Variants in FOXP2 observed in about 807,000 individuals in gnomAD.
The protein encoded by FOXP2 is forkhead box protein P2.
In FOXP2, 12 loss-of-function variants were observed where a neutral mutation model predicts 115.8. That is an observed-to-expected ratio of 0.10 (90% CI 0.07 to 0.17). The LOEUF is 0.17. Among genes scored for constraint, FOXP2 ranks in the 10% least tolerant of loss-of-function variants. FOXP2 has a pLI of 1.00. For synonymous variants in FOXP2, 328 were observed against 297.7 expected, an observed-to-expected ratio of 1.10 and a Z score of -1.05; for missense variants, 629 against 843.5, an observed-to-expected ratio of 0.75 and a Z score of 3.15.
chr7:114,209,781 C>T (rs1177922650), intron 1 of FOXP2, among the ~76,000 whole-genome samples: 5 of 152,028 alleles, frequency 3.3e-5, no homozygotes, highest in South Asian at 2.1e-4. Context: ...TTTCAGGTAC[C>T]GCAATCACTC....
At chr7:114,442,378 G>A (rs563827715) in intron 2 of FOXP2, among the ~76,000 whole-genome samples, 2 of 150,840 alleles carry the variant, frequency 1.3e-5, no homozygotes, top group East Asian at 1.9e-4. Context: ...GATGGAAAAT[G>A]TTCTAAAATT....
chr7:114,169,840 A>G (rs1793092128), intron 1 of FOXP2, among the ~76,000 whole-genome samples: 1 of 152,198 alleles, frequency 6.6e-6, no homozygotes. Context: ...TTCTCATGAT[A>G]GTGAATAAGC....
intron 3 of FOXP2, among the ~76,000 whole-genome samples, chr7:114,613,370 T>C (rs997536170): frequency 9.9e-5 from 15 of 152,216 alleles, no homozygotes; most frequent in African/African-American, 3.4e-4. Flanking sequence ...TACTTGCTTT[T>C]TGCATCAAGA....
chr7:114,548,147 C>A (rs1340996355), intron 3 of FOXP2, among the ~76,000 whole-genome samples: 1 of 152,106 alleles, frequency 6.6e-6, no homozygotes, highest in Non-Finnish European at 1.5e-5. Flanking sequence ...AGCATTATGC[C>A]CATGTTTTAG....
chr7:114,109,193 G>A (rs762633669), intron 1 of FOXP2, among the ~76,000 whole-genome samples: 3 of 152,008 alleles, frequency 2.0e-5, no homozygotes, highest in Non-Finnish European at 2.9e-5. Flanking sequence ...TGTATAATAT[G>A]TGTTGAATTT....
rs1310650113 is a variant in FOXP2, at chr7:114,404,012, C to T, written c.-10-22490C>T. The stretch of plus-strand genomic sequence containing the variant: ...CTAAAGAAGGTGGACATTCATTTGC[C>T]TTGGAGGGCAGTGTAAATTCACTAA... On this transcript the variant is annotated intron_variant, in intron 2 of 17. Coordinates refer to the FOXP2 transcript ENST00000634411. Among the ~76,000 whole-genome samples, 8 of 152,194 alleles carry T rather than the reference C, an allele frequency of 5.3e-5. No homozygotes were observed. The East Asian group carries it at 1.5e-3, about 29-fold the overall frequency.
chr7:114,560,601 G>GCAAGA (rs1382792131), intron 3 of FOXP2, among the ~76,000 whole-genome samples: 1 of 152,028 alleles, frequency 6.6e-6, no homozygotes, highest in Non-Finnish European at 1.5e-5. Context: ...GGGTGACAGA[G>GCAAGA]CAAGACCCTG....
intron 1 of FOXP2, among the ~76,000 whole-genome samples, chr7:114,089,779 G>A (rs750125737): frequency 5.3e-5 from 8 of 151,958 alleles, no homozygotes; most frequent in Non-Finnish European, 2.9e-5. Context: ...AATCTGTAAT[G>A]AGAAGTTATA....
intron 1 of FOXP2, among the ~76,000 whole-genome samples, chr7:114,261,034 T>C (rs936484252): frequency 2.0e-5 from 3 of 152,226 alleles, no homozygotes; most frequent in African/African-American, 7.2e-5. Context: ...TAGTAGTAGA[T>C]GGTGGATAAG....
chr7:114,094,889 C>T (rs759591098), intron 1 of FOXP2, among the ~76,000 whole-genome samples: 3 of 152,018 alleles, frequency 2.0e-5, no homozygotes, highest in Non-Finnish European at 4.4e-5. Context: ...AAAAAACCCA[C>T]AAAACTATTA....
At chr7:114,577,652 A>G (rs1227867964) in intron 3 of FOXP2, among the ~76,000 whole-genome samples, 1 of 151,922 alleles carries the variant, frequency 6.6e-6, no homozygotes, top group Non-Finnish European at 1.5e-5. Context: ...ATCTCTCTTA[A>G]GAGAGAGATT....
chr7:114,087,418 G>T (rs1466819787), upstream of FOXP2, among the ~76,000 whole-genome samples: 4 of 151,978 alleles, frequency 2.6e-5, no homozygotes, highest in African/African-American at 7.3e-5. Context: ...TAGAGAGGTC[G>T]CCTGGCTGTT....
intron 1 of FOXP2, among the ~76,000 whole-genome samples, chr7:114,198,872 T>C (rs1793984385): frequency 6.6e-6 from 1 of 152,178 alleles, no homozygotes; most frequent in Non-Finnish European, 1.5e-5. Context: ...CAGCTGGAGA[T>C]ACATGGAAGA....
intron 1 of FOXP2, among the ~76,000 whole-genome samples, chr7:114,139,334 G>T (rs929725870): frequency 6.6e-6 from 1 of 152,144 alleles, no homozygotes; most frequent in Admixed American, 6.5e-5. Flanking sequence ...GTTGTTTTCG[G>T]GGAGGTTGCA....
intron 15 of FOXP2, 45 bp downstream of exon 15, chr7:114,663,564 T>A (rs772014419): frequency 8.9e-6 from 3 of 336,328 alleles, no homozygotes; most frequent in African/African-American, 8.1e-5. Flanking sequence ...GTTTAGGGCT[T>A]TTTTTTTTTT....
chr7:114,325,365 A>G (rs916046696), intron 2 of FOXP2, among the ~76,000 whole-genome samples: 7 of 151,984 alleles, frequency 4.6e-5, no homozygotes, highest in Non-Finnish European at 7.4e-5. Flanking sequence ...TTTCTTTCAG[A>G]TAAGATTAAA....
At chr7:114,098,364 C>T (rs970020850) in intron 1 of FOXP2, among the ~76,000 whole-genome samples, 9 of 152,036 alleles carry the variant, frequency 5.9e-5, no homozygotes, top group African/African-American at 2.2e-4. Flanking sequence ...CAGTATAGTA[C>T]TGGCCTAAAA....
intron 1 of FOXP2, among the ~76,000 whole-genome samples, chr7:114,099,031 A>G (rs1156782853): frequency 1.3e-5 from 2 of 152,112 alleles, no homozygotes; most frequent in Non-Finnish European, 2.9e-5. Flanking sequence ...GCTACTCAGG[A>G]GGCTGGGGTG....
intron 1 of FOXP2, among the ~76,000 whole-genome samples, chr7:114,426,007 T>C (rs1793829165): frequency 6.6e-6 from 1 of 151,716 alleles, no homozygotes; most frequent in East Asian, 1.9e-4. Context: ...GTAACACCCT[T>C]ACAAAATTTT....
Sources: allele counts gnomAD v4.1 joint callset (sites outside exome capture counted in the v4.1 genomes callset), GRCh38; gene constraint gnomAD v4.1.1; transcripts MANE v1.5; gene names NCBI Gene and HGNC (gene_info 2026-07-23, HGNC 2026-07-21).